SNTB2: variants seen among roughly 807,000 people sequenced by gnomAD.
SNTB2 encodes syntrophin beta 2, also known as beta-2-syntrophin.
Under a neutral mutation model 46.2 loss-of-function variants are expected in SNTB2, and 34 were observed. The observed-to-expected ratio is 0.74, with a 90% confidence interval of 0.56 to 0.98. The LOEUF (loss-of-function observed/expected upper bound fraction) is 0.98. SNTB2 is among the 50% of genes least tolerant of loss of function. SNTB2 has a pLI of 0.00. For missense variants in SNTB2, 603 were observed against 731.4 expected, an observed-to-expected ratio of 0.82 and a Z score of 2.02; for synonymous variants, 290 against 312.6, an observed-to-expected ratio of 0.93 and a Z score of 0.76.
intron 1 of SNTB2, among the ~76,000 whole-genome samples, chr16:69,210,942 G>A (rs1410166249): frequency 6.6e-6 from 1 of 152,030 alleles, no homozygotes; most frequent in Admixed American, 6.6e-5. Context: ...AGTGAGCCGA[G>A]ATTGCACCAC....
At chr16:69,211,310 T>C (rs1964283839) in intron 1 of SNTB2, among the ~76,000 whole-genome samples, 1 of 152,038 alleles carries the variant, frequency 6.6e-6, no homozygotes, top group African/African-American at 2.4e-5. Context: ...TTTAAGGTTG[T>C]TTTATTAACC....
At chr16:69,292,522 A>T (rs1965183628) in intron 5 of SNTB2, among the ~76,000 whole-genome samples, 2 of 137,978 alleles carry the variant, frequency 1.4e-5, no homozygotes, top group African/African-American at 5.6e-5. Context: ...GCTCACTGCA[A>T]CCTCCGCCTC....
At chr16:69,261,946 T>A (rs1247057712) in intron 3 of SNTB2, among the ~76,000 whole-genome samples, 1 of 152,042 alleles carries the variant, frequency 6.6e-6, no homozygotes, top group Non-Finnish European at 1.5e-5. Flanking sequence ...TGGTGGCTCA[T>A]ACCTGTAAAA....
chr16:69,221,977 AGCTTG>A (rs1322695596), intron 1 of SNTB2, among the ~76,000 whole-genome samples: 1 of 152,164 alleles, frequency 6.6e-6, no homozygotes, highest in Non-Finnish European at 1.5e-5. Flanking sequence ...AATAGCACAA[AGCTTG>A]AGTCTTTGTT....
At chr16:69,299,405 T>C (rs967542370) in intron 5 of SNTB2, among the ~76,000 whole-genome samples, 185 bp from the exon 6 acceptor site, 1 of 152,140 alleles carries the variant, frequency 6.6e-6, no homozygotes, top group East Asian at 1.9e-4. Flanking sequence ...CCTCCCAAAG[T>C]GCTGGGATTA....
At chr16:69,292,166 G>A (rs1055499429) in intron 5 of SNTB2, among the ~76,000 whole-genome samples, 1 of 144,486 alleles carries the variant, frequency 6.9e-6, no homozygotes, top group Admixed American at 7.0e-5. Flanking sequence ...GAACCCGGGA[G>A]GCAGAGCTTG....
chr16:69,256,877 TTACCAATTAA>T (rs1318062974), intron 2 of SNTB2, among the ~76,000 whole-genome samples: 1 of 152,154 alleles, frequency 6.6e-6, no homozygotes, highest in Non-Finnish European at 1.5e-5. Flanking sequence ...TTATTAATAG[TTACCAATTAA>T]GGCCAGGCAC....
chr16:69,254,409 T>C (rs1210819394), intron 2 of SNTB2, among the ~76,000 whole-genome samples: 1 of 152,190 alleles, frequency 6.6e-6, no homozygotes, highest in Non-Finnish European at 1.5e-5. Flanking sequence ...TTAACTCCTC[T>C]CTTTACTAGC....
At chr16:69,213,051 C>T (rs1226167144) in intron 1 of SNTB2, among the ~76,000 whole-genome samples, 1 of 151,920 alleles carries the variant, frequency 6.6e-6, no homozygotes, top group East Asian at 1.9e-4. Context: ...TTGATCTTTC[C>T]ATCTTTGCTA....
chr16:69,292,390 T>A (rs1008917125), intron 5 of SNTB2, among the ~76,000 whole-genome samples: 4 of 12,746 alleles, frequency 3.1e-4, no homozygotes, highest in African/African-American at 5.4e-4. Context: ...TATATATATA[T>A]TATATATATA....
intron 1 of SNTB2, among the ~76,000 whole-genome samples, chr16:69,198,249 C>T (rs188458413): frequency 6.6e-6 from 1 of 152,026 alleles, no homozygotes; most frequent in East Asian, 1.9e-4. Context: ...GCTGGGACTA[C>T]AGTCCTACAC....
At chr16:69,256,079 G>C (rs999394734) in intron 2 of SNTB2, among the ~76,000 whole-genome samples, 9 of 152,058 alleles carry the variant, frequency 5.9e-5, no homozygotes, top group African/African-American at 2.2e-4. Flanking sequence ...CCAGCTACTC[G>C]GGAGGCTGAG....
intron 1 of SNTB2, among the ~76,000 whole-genome samples, chr16:69,243,207 C>G (rs921968380): frequency 1.3e-5 from 2 of 152,080 alleles, no homozygotes; most frequent in Non-Finnish European, 2.9e-5. Context: ...ACTGAAAGCT[C>G]CATGTGGGGG....
At chr16:69,237,968 A>G (rs1031592618) in intron 1 of SNTB2, among the ~76,000 whole-genome samples, 3 of 151,966 alleles carry the variant, frequency 2.0e-5, no homozygotes, top group Admixed American at 6.6e-5. Context: ...TTTTCTCCCC[A>G]GCCCTTTAAT....
chr16:69,189,074 G>A (rs111841318), intron 1 of SNTB2, among the ~76,000 whole-genome samples: 7,637 of 152,070 alleles, frequency 0.05, 262 homozygotes, highest in Non-Finnish European at 0.071. Flanking sequence ...TTGGCACAAT[G>A]GATTTTCACT....
chr16:69,254,715 T>C (rs1286793725), intron 2 of SNTB2, among the ~76,000 whole-genome samples: 1 of 152,142 alleles, frequency 6.6e-6, no homozygotes, highest in African/African-American at 2.4e-5. Context: ...CAGTGGCTCA[T>C]GCCTATAATC....
intron 1 of SNTB2, among the ~76,000 whole-genome samples, chr16:69,224,784 G>A (rs1285941646): frequency 6.6e-6 from 1 of 151,934 alleles, no homozygotes; most frequent in East Asian, 1.9e-4. Flanking sequence ...TTTATTCTGT[G>A]GGTTATAATC....
intron 5 of SNTB2, among the ~76,000 whole-genome samples, chr16:69,292,900 GA>G (rs1965188483): frequency 1.3e-5 from 2 of 152,050 alleles, no homozygotes; most frequent in Admixed American, 1.3e-4. Flanking sequence ...CCCGTGGTGT[GA>G]AAAAGCCAGT....
Position 69,259,996 on chromosome 16 carries a change from A to G in SNTB2, c.795-54A>G. On this transcript the variant is annotated intron_variant, in intron 2 of 6. Coordinates refer to ENST00000336278, the MANE Select transcript of SNTB2 (RefSeq NM_006750.4). Reference sequence around the variant, plus strand: ...TGCAGTTATGTATTTTAAACCTGGCAGGTTTGGTGACTTCTGTCCTAGCTC... The same window carrying G: ...TGCAGTTATGTATTTTAAACCTGGCGGGTTTGGTGACTTCTGTCCTAGCTC... 7 of 1,286,816 alleles carry G rather than the reference A, an allele frequency of 5.4e-6. No homozygotes were observed. In the South Asian group the frequency reaches 8.4e-5, roughly 15 times the overall value. 79.7% of individuals were successfully genotyped at this position (1,286,816 alleles called of 1,614,324 possible).
Sources: allele counts gnomAD v4.1 joint callset (sites outside exome capture counted in the v4.1 genomes callset), GRCh38; gene constraint gnomAD v4.1.1; transcripts MANE v1.5; gene names NCBI Gene and HGNC (gene_info 2026-07-23, HGNC 2026-07-21).